Variants in VTI1A observed in about 807,000 individuals in gnomAD.
VTI1A encodes vesicle transport through interaction with t-SNAREs homolog 1A.
VTI1A carries 22 observed loss-of-function variants against 34.9 expected under a neutral mutation model. The observed-to-expected ratio is 0.63, with a 90% CI of 0.45 to 0.90. The LOEUF is 0.90. Ranked by LOEUF, VTI1A falls within the 40% of genes least tolerant of loss-of-function variation. VTI1A has a pLI of 0.00. For missense variants in VTI1A, 268 were observed against 275.6 expected (o/e 0.97, Z 0.20); for synonymous variants, 87 against 97.3 (o/e 0.89, Z 0.62).
intron 3 of VTI1A, among the ~76,000 whole-genome samples, chr10:112,506,154 T>C (rs1326947617): frequency 6.6e-6 from 1 of 152,148 alleles, no homozygotes; most frequent in Non-Finnish European, 1.5e-5. Context: ...GTTCCTAGGT[T>C]ACAAGTCTGT....
intron 4 of VTI1A, 58 bp from the exon 5 acceptor site, chr10:112,538,188 A>G: frequency 6.5e-7 from 1 of 1,535,092 alleles, no homozygotes; most frequent in Admixed American, 1.8e-5. Context: ...TTTTAAGGCA[A>G]AAAAAAGAAC....
At chr10:112,503,567 T>G (rs1432096073) in intron 3 of VTI1A, among the ~76,000 whole-genome samples, 3 of 152,210 alleles carry the variant, frequency 2.0e-5, no homozygotes, top group African/African-American at 7.2e-5. Flanking sequence ...AATTTTGATT[T>G]TGAGCAAATG....
rs906587482 is a variant in VTI1A, at chr10:112,636,812, T to C, written c.428-31406T>C. ...TACTAGAGGGTGCAGTCAGTATAAA[T>C]TAAATGCTAGAGATCAATTATTCTC... On this transcript the variant is annotated intron_variant, in intron 5 of 7. Coordinates refer to ENST00000393077, the MANE Select transcript of VTI1A (RefSeq NM_145206.4). Among the ~76,000 whole-genome samples the C allele has an allele frequency of 9.9e-5, 15 of 150,954 alleles. 1 individual carries two copies. Among genetic ancestry groups the C allele is most frequent in the African/African-American group, 3.2e-4 (13 of 41,176 alleles).
chr10:112,773,755 T>C (rs1460481496), intron 7 of VTI1A, among the ~76,000 whole-genome samples: 1 of 152,064 alleles, frequency 6.6e-6, no homozygotes, highest in East Asian at 1.9e-4. Context: ...TAGGTGTGAT[T>C]TGAGATTTAC....
At chr10:112,682,458 G>A (rs1373500911) in intron 7 of VTI1A, among the ~76,000 whole-genome samples, 1 of 152,026 alleles carries the variant, frequency 6.6e-6, no homozygotes, top group Non-Finnish European at 1.5e-5. Context: ...TTTTAGTAGT[G>A]GGCAACTATT....
intron 7 of VTI1A, among the ~76,000 whole-genome samples, chr10:112,700,155 C>T (rs1412161415): frequency 8.1e-6 from 1 of 123,490 alleles, no homozygotes; most frequent in Admixed American, 8.1e-5. Context: ...AAAAAAAAAA[C>T]ACTCGGAGGT....
chr10:112,623,205 T>C (rs1014015350), intron 5 of VTI1A, among the ~76,000 whole-genome samples: 2 of 152,312 alleles, frequency 1.3e-5, no homozygotes, highest in East Asian at 3.9e-4. Context: ...AAAAGGCCCC[T>C]CTGTTTTGGG....
chr10:112,829,730 GGCAACA>G, the VTI1A span, among the ~76,000 whole-genome samples: 1 of 152,128 alleles, frequency 6.6e-6, no homozygotes, highest in Non-Finnish European at 1.5e-5. Context: ...CTCCAGCCTG[GGCAACA>G]GAGAAAGACT....
intron 7 of VTI1A, among the ~76,000 whole-genome samples, chr10:112,802,512 TAAA>T (rs756110745): frequency 9.9e-5 from 15 of 152,268 alleles, no homozygotes; most frequent in Admixed American, 7.8e-4. Flanking sequence ...GCACAGTGTA[TAAA>T]ATGCCAGAAC....
At chr10:112,703,305 C>T (rs534807642) in intron 7 of VTI1A, among the ~76,000 whole-genome samples, 12 of 152,278 alleles carry the variant, frequency 7.9e-5, no homozygotes, top group African/African-American at 2.6e-4. Flanking sequence ...CAGTGGCTCA[C>T]GCCTGTAACC....
chr10:112,727,282 C>G (rs1241748167), intron 7 of VTI1A, among the ~76,000 whole-genome samples: 1 of 152,192 alleles, frequency 6.6e-6, no homozygotes, highest in Non-Finnish European at 1.5e-5. Context: ...TTTAGCCTGT[C>G]TTTCTCCACT....
intron 7 of VTI1A, among the ~76,000 whole-genome samples, chr10:112,813,562 C>T (rs1189006662): frequency 1.3e-5 from 2 of 151,928 alleles, no homozygotes; most frequent in East Asian, 1.9e-4. Flanking sequence ...CTGTCCCTCC[C>T]AGAGAAAAGG....
intron 1 of VTI1A, among the ~76,000 whole-genome samples, chr10:112,451,615 C>T (rs1212940052): frequency 1.3e-5 from 2 of 152,156 alleles, no homozygotes; most frequent in Non-Finnish European, 1.5e-5. Flanking sequence ...AAAGTGGTGT[C>T]GGACAAGGCA....
chr10:112,559,441 G>A (rs551949706), intron 5 of VTI1A, among the ~76,000 whole-genome samples: 5 of 152,170 alleles, frequency 3.3e-5, no homozygotes, highest in South Asian at 4.2e-4. Flanking sequence ...TCATCATCTC[G>A]TCAGTATTGA....
chr10:112,571,764 A>C (rs1381915484), intron 5 of VTI1A, among the ~76,000 whole-genome samples: 1 of 152,224 alleles, frequency 6.6e-6, no homozygotes, highest in Non-Finnish European at 1.5e-5. Flanking sequence ...AAATTGGATA[A>C]AGAAAAGATG....
rs1487833196 is a variant in VTI1A at position 112,815,326 on chromosome 10, G to T, written c.597G>T (p.Gly199=). The T allele has an allele frequency of 6.2e-7, 1 of 1,613,978 alleles. No homozygotes were observed. Among genetic ancestry groups the T allele is most frequent in the Admixed American group, 1.7e-5 (1 of 60,010 alleles). The change falls in exon 8 of 8, where the codon GGG becomes GGT. Residue 199 remains glycine, a synonymous_variant. Coordinates refer to ENST00000393077, the MANE Select transcript of VTI1A (RefSeq NM_145206.4). ...IQNRILLVIL[G]IIVVITILMA... ...ACCGCATCCTGCTCGTCATCCTAGG[G>T]ATCATCGTGGTCATCACCATCCTGA...
intron 7 of VTI1A, among the ~76,000 whole-genome samples, chr10:112,803,879 C>T (rs953976243): frequency 8.5e-5 from 13 of 152,218 alleles, no homozygotes; most frequent in Non-Finnish European, 1.5e-4. Context: ...CTAGAACATC[C>T]TTATTTAATT....
intron 5 of VTI1A, among the ~76,000 whole-genome samples, chr10:112,595,382 A>C (rs1260016586): frequency 6.6e-6 from 1 of 150,894 alleles, no homozygotes; most frequent in African/African-American, 2.4e-5. Context: ...GCAACCTACA[A>C]AATGGGAGAA....
At position 112,748,802 on chromosome 10, in the gene VTI1A, T is replaced by C. The variant is rs908257547; in HGVS notation, c.561-66488T>C. ...CACCATGCCCGGCTAATTTTTTTTT[T>C]TTATTTTTAGTAGAGACGGGGTTTC... On this transcript the variant is annotated intron_variant, in intron 7 of 7. Transcript: ENST00000393077. Among the ~76,000 whole-genome samples, 36 of 151,948 alleles carry C rather than the reference T, an allele frequency of 2.4e-4. No homozygotes were observed. The Middle Eastern group carries it at 0.01, about 43-fold the overall frequency.
Sources: gnomAD v4.1 joint callset for allele counts (sites outside exome capture counted in the v4.1 genomes callset) on GRCh38, gnomAD v4.1.1 for gene constraint, MANE v1.5 for transcripts, NCBI Gene and HGNC (gene_info 2026-07-23, HGNC 2026-07-21) for gene names.